Variants in RFWD3 observed in about 807,000 individuals in gnomAD.
RFWD3 encodes ring finger and WD repeat domain 3, also known as E3 ubiquitin-protein ligase RFWD3.
A neutral mutation model predicts 87.7 loss-of-function variants in RFWD3; 65 were observed. The ratio of observed to expected loss-of-function variants is 0.74; its 90% CI spans 0.61 to 0.91. The LOEUF is 0.91. Ranked by LOEUF, RFWD3 falls within the 40% of genes least tolerant of loss-of-function variation. The pLI, the probability that RFWD3 is intolerant of heterozygous loss-of-function variation, is 0.00. For missense variants in RFWD3, 1,078 were observed against 938.5 expected (o/e 1.15, Z -1.94); for synonymous variants, 433 against 352.8 (o/e 1.23, Z -2.55).
rs56890104 is a variant in RFWD3, at chr16:74,666,845, G to GCCGAAGACTCCGTAGTTACCTCC, written c.-63_-62insGGAGGTAACTACGGAGTCTTCGG. 6.6e-6 allele frequency: 1 copy of GCCGAAGACTCCGTAGTTACCTCC among 150,860 alleles called. No individual in the cohort carries two copies. Among genetic ancestry groups the GCCGAAGACTCCGTAGTTACCTCC allele is most frequent in the Non-Finnish European group, 1.5e-5 (1 of 67,736 alleles). 9.3% of individuals were successfully genotyped at this position (150,860 alleles called of 1,614,324 possible). The stretch of plus-strand genomic sequence containing the variant: ...CCGCCGAAGACTCGGTAGTTACCTC[G>GCCGAAGACTCCGTAGTTACCTCC]GCCGCACTCCGAATGCACCTACGCC... On this transcript the variant is annotated 5_prime_UTR_variant, in exon 1 of 13. Coordinates refer to ENST00000361070, the MANE Select transcript of RFWD3 (RefSeq NM_018124.4).
In RFWD3 at chr16:74,644,671, G is replaced by A. The variant is rs1362383094; in HGVS notation, c.857C>T (p.Thr286Ile). Residue 286 changes from threonine (T) to isoleucine (I), a missense_variant, in exon 5 of 13, where the codon ACT becomes ATT. Coordinates refer to ENST00000361070, the MANE Select transcript of RFWD3 (RefSeq NM_018124.4). ...SASMDEEEGD[T>I]CTICLEQWTN... ...CCACTGTTCCAGACATATTGTACAA[G>A]TGTCCCCTTCTTCCTCATCCATAGA... 1 of 1,614,122 alleles carries A rather than the reference G, an allele frequency of 6.2e-7. No homozygotes were observed. The highest frequency in any genetic ancestry group is 8.5e-7 in the Non-Finnish European group (1 of 1,180,054).
intron 5 of RFWD3, 33 bp from the exon 6 acceptor site, chr16:74,644,486 T>C (rs763505418): frequency 1.2e-6 from 2 of 1,614,010 alleles, no homozygotes; most frequent in East Asian, 4.5e-5. Context: ...ATTAGAGTGG[T>C]TCTAGGAATC....
At chr16:74,650,882 A>C (rs1816632981) in intron 3 of RFWD3, among the ~76,000 whole-genome samples, 1 of 151,948 alleles carries the variant, frequency 6.6e-6, no homozygotes, top group Non-Finnish European at 1.5e-5. Context: ...GTCTCAAAAA[A>C]AACAAATGAA....
intron 7 of RFWD3, among the ~76,000 whole-genome samples, chr16:74,636,960 G>A (rs893691083): frequency 5.9e-5 from 9 of 151,760 alleles, no homozygotes; most frequent in Non-Finnish European, 1.0e-4. Context: ...TGATCCACCC[G>A]CCTCGGCCGC....
chr16:74,664,755 G>GAAA (rs10651761), intron 1 of RFWD3: 19,375 of 150,682 alleles, frequency 0.13, 1,399 homozygotes, highest in Middle Eastern at 0.19. Flanking sequence ...TCTAAAAAAA[G>GAAA]AAAAAAGAAA....
At chr16:74,666,207 T>C (rs892456946) in intron 1 of RFWD3, 1 of 150,860 alleles carries the variant, frequency 6.6e-6, no homozygotes, top group Non-Finnish European at 1.5e-5. Flanking sequence ...GATAGATAGA[T>C]AGATAGATAG....
intron 11 of RFWD3, among the ~76,000 whole-genome samples, chr16:74,628,225 G>C (rs1298505259): frequency 6.6e-6 from 1 of 152,122 alleles, no homozygotes; most frequent in Non-Finnish European, 1.5e-5. Flanking sequence ...TCACTTCCAG[G>C]AGTACCTGGC....
chr16:74,663,322 G>A (rs1233676415), intron 1 of RFWD3, among the ~76,000 whole-genome samples: 1 of 152,194 alleles, frequency 6.6e-6, no homozygotes, highest in East Asian at 1.9e-4. Context: ...CAGAGTAAAA[G>A]AAGCCAGTTA....
intron 1 of RFWD3, among the ~76,000 whole-genome samples, chr16:74,665,437 G>C (rs1228418854): frequency 6.6e-6 from 1 of 152,052 alleles, no homozygotes; most frequent in South Asian, 2.1e-4. Flanking sequence ...AACTACCCGG[G>C]TGTGGTGGCG....
At chr16:74,645,245 T>C (rs1034556790) in intron 4 of RFWD3, among the ~76,000 whole-genome samples, 4 of 152,234 alleles carry the variant, frequency 2.6e-5, no homozygotes, top group African/African-American at 9.6e-5. Flanking sequence ...TTGCCTTAAA[T>C]GTAAAGTGGC....
intron 6 of RFWD3, 54 bp downstream of exon 6, chr16:74,644,308 G>T (rs1959925895): frequency 6.5e-7 from 1 of 1,548,342 alleles, no homozygotes; most frequent in Non-Finnish European, 8.9e-7. Context: ...TTTCAGATGT[G>T]CCTACAATGA....
chr16:74,662,128 G>C (rs1389082298), intron 1 of RFWD3, among the ~76,000 whole-genome samples: 3 of 151,068 alleles, frequency 2.0e-5, no homozygotes, highest in Admixed American at 1.3e-4. Context: ...CTACCACCTA[G>C]TTTTTAAACT....
rs751527081 is a variant in RFWD3 at position 74,649,161 on chromosome 16, T to C, written c.763A>G (p.Ile255Val). 1.2e-5 allele frequency: 19 copies of C among 1,571,230 alleles called. 1 individual carries two copies. In the Admixed American group the frequency reaches 2.9e-4, roughly 24 times the overall value. ...GVSAEQEVTC[I>V]DGGKTLPKQP... ...TTGGGGAGGGTCTTGCCTCCATCGA[T>C]ACATGTAACTTCTTGCTCTGCTGAG... Residue 255 changes from isoleucine (I) to valine (V), a missense_variant, in exon 4 of 13, where the codon ATC becomes GTC. Ile to Val is a conservative substitution (Grantham distance 29). Coordinates refer to ENST00000361070, the MANE Select transcript of RFWD3 (RefSeq NM_018124.4).
chr16:74,632,822 A>C, intron 8 of RFWD3, 149 bp from the exon 9 acceptor site: 3 of 662,744 alleles, frequency 4.5e-6, no homozygotes, highest in Non-Finnish European at 7.6e-6. Context: ...CTAGTGTTAC[A>C]ATTTATTCAT....
intron 3 of RFWD3, among the ~76,000 whole-genome samples, chr16:74,649,414 T>C (rs1017774769): frequency 6.6e-6 from 1 of 152,214 alleles, no homozygotes; most frequent in Admixed American, 6.5e-5. Flanking sequence ...TACATAAAAG[T>C]ACACAGAACA....
intron 9 of RFWD3, among the ~76,000 whole-genome samples, chr16:74,632,032 C>A (rs959625684): frequency 2.0e-5 from 3 of 152,164 alleles, no homozygotes; most frequent in Non-Finnish European, 4.4e-5. Context: ...ACCTTCTGTG[C>A]CCACTTCTAA....
At chr16:74,664,262 T>G (rs866575483) in intron 1 of RFWD3, 12 of 152,120 alleles carry the variant, frequency 7.9e-5, no homozygotes, top group Admixed American at 1.3e-4. Context: ...ACTAAAAGCT[T>G]TTAATGTTTC....
At chr16:74,648,325 C>A (rs1398579332) in intron 4 of RFWD3, among the ~76,000 whole-genome samples, 1 of 151,248 alleles carries the variant, frequency 6.6e-6, no homozygotes, top group Non-Finnish European at 1.5e-5. Context: ...TAACCTGCAG[C>A]CCCACTTTGG....
At chr16:74,629,286 G>A (rs182325536) in intron 10 of RFWD3, among the ~76,000 whole-genome samples, 1 of 152,100 alleles carries the variant, frequency 6.6e-6, no homozygotes, top group Admixed American at 6.6e-5. Flanking sequence ...TATTTTCCCT[G>A]TCACAATAAA....
Sources: allele counts gnomAD v4.1 joint callset (sites outside exome capture counted in the v4.1 genomes callset), GRCh38; gene constraint gnomAD v4.1.1; transcripts MANE v1.5; gene names NCBI Gene and HGNC (gene_info 2026-07-23, HGNC 2026-07-21).